The following LIPC variants were observed in gnomAD, a reference collection of about 807,000 sequenced individuals.
The protein encoded by LIPC is lipase C, hepatic type.
In LIPC, 44 loss-of-function variants were observed where a neutral mutation model predicts 50.7. The observed-to-expected ratio is 0.87, with a 90% confidence interval of 0.68 to 1.11. LIPC has a LOEUF of 1.11. LIPC is among the 50% of genes most tolerant of loss of function. The pLI, the probability that LIPC is intolerant of heterozygous loss-of-function variation, is 0.00. For missense variants in LIPC, 697 were observed against 648.2 expected (o/e 1.08, Z -0.82); for synonymous variants, 271 against 256.4 (o/e 1.06, Z -0.54).
At chr15:58,439,933 G>A (rs185124434) in intron 1 of LIPC, among the ~76,000 whole-genome samples, 1 of 151,866 alleles carries the variant, frequency 6.6e-6, no homozygotes, top group East Asian at 1.9e-4. Context: ...TCCAGGCTAG[G>A]GTGCTTCCTA....
At chr15:58,511,965 C>T (rs1892342456) in intron 1 of LIPC, among the ~76,000 whole-genome samples, 1 of 152,172 alleles carries the variant, frequency 6.6e-6, no homozygotes, top group Non-Finnish European at 1.5e-5. Context: ...CACAATTAAA[C>T]TCAAACATAC....
At chr15:58,508,178 A>G (rs1217393021) in intron 1 of LIPC, among the ~76,000 whole-genome samples, 2 of 151,970 alleles carry the variant, frequency 1.3e-5, no homozygotes, top group African/African-American at 2.4e-5. Flanking sequence ...AGGGATGAAG[A>G]GAACAACTTC....
chr15:58,447,400 C>G (rs1335018268), intron 1 of LIPC, among the ~76,000 whole-genome samples: 1 of 152,124 alleles, frequency 6.6e-6, no homozygotes, highest in Non-Finnish European at 1.5e-5. Flanking sequence ...CACAAGTCTT[C>G]TCTGGAAAAC....
intron 6 of LIPC, among the ~76,000 whole-genome samples, chr15:58,559,506 T>G (rs144323552): frequency 1.3e-5 from 2 of 152,146 alleles, no homozygotes; most frequent in Non-Finnish European, 2.9e-5. Context: ...TCAGAATCCA[T>G]CTCAACAGAG....
At chr15:58,549,062 C>G (rs1423683165) in intron 6 of LIPC, among the ~76,000 whole-genome samples, 1 of 152,140 alleles carries the variant, frequency 6.6e-6, no homozygotes, top group Admixed American at 6.5e-5. Context: ...GAGGCACTCC[C>G]AAGACAAGAT....
At chr15:58,467,584 A>G (rs1261287699) in intron 1 of LIPC, among the ~76,000 whole-genome samples, 1 of 152,086 alleles carries the variant, frequency 6.6e-6, no homozygotes, top group African/African-American at 2.4e-5. Flanking sequence ...TCAGGCTGTT[A>G]AAGACCCTCC....
At chr15:58,563,912 T>A (rs1202616614) in intron 8 of LIPC, 189 bp downstream of exon 8, 2 of 643,184 alleles carry the variant, frequency 3.1e-6, no homozygotes, top group African/African-American at 1.8e-5. Context: ...GGACAAGGAT[T>A]CACACCCAGG....
intron 1 of LIPC, among the ~76,000 whole-genome samples, chr15:58,447,111 T>C (rs1893723698): frequency 1.6e-5 from 2 of 123,450 alleles, no homozygotes; most frequent in African/African-American, 3.2e-5. Flanking sequence ...ATTGCGCCAC[T>C]GCACCCAGCC....
chr15:58,568,367 G>A (rs1894455327), intron 8 of LIPC, among the ~76,000 whole-genome samples: 1 of 152,218 alleles, frequency 6.6e-6, no homozygotes, highest in African/African-American at 2.4e-5. Flanking sequence ...AACTAGAAAT[G>A]TTTGCCCTGA....
chr15:58,547,150 A>C (rs1021885457), intron 5 of LIPC, among the ~76,000 whole-genome samples: 6 of 152,200 alleles, frequency 3.9e-5, no homozygotes, highest in Non-Finnish European at 7.3e-5. Context: ...AACCAAATGT[A>C]GGTATTCAGC....
intron 1 of LIPC, among the ~76,000 whole-genome samples, chr15:58,476,644 G>T (rs142934549): frequency 2.6e-5 from 4 of 152,356 alleles, no homozygotes; most frequent in Non-Finnish European, 5.9e-5. Flanking sequence ...CAGTGGCATG[G>T]TGCCACAGAA....
intron 1 of LIPC, among the ~76,000 whole-genome samples, chr15:58,490,493 G>A (rs568889769): frequency 2.6e-5 from 4 of 152,122 alleles, no homozygotes; most frequent in Non-Finnish European, 5.9e-5. Flanking sequence ...AGCCGGCGCC[G>A]TTCGCGGGAT....
intron 1 of LIPC, among the ~76,000 whole-genome samples, chr15:58,469,612 GC>G (rs372372419): frequency 0.11 from 17,329 of 152,240 alleles, 1,192 homozygotes; most frequent in Non-Finnish European, 0.17. Flanking sequence ...CAGTCACCAG[GC>G]AGATAGACAG....
At chr15:58,519,734 G>A (rs1210157494) in intron 1 of LIPC, among the ~76,000 whole-genome samples, 1 of 152,228 alleles carries the variant, frequency 6.6e-6, no homozygotes, top group East Asian at 1.9e-4. Context: ...AGACTGGGGT[G>A]GTGTATTGTG....
rs551555031 is a variant in LIPC at position 58,459,554 on chromosome 15, A to AATAAACGAGAG, written c.88+27436_88+27446dup. ...CCCACCCGCTCCTGAAAACAGAAAA[A>AATAAACGAGAG]ATAAACGAGAGAGAGTCCACCAGCA... On this transcript the variant is annotated intron_variant, in intron 1 of 8. Transcript: ENST00000299022. Among the ~76,000 whole-genome samples, 415 of 152,312 alleles carry AATAAACGAGAG rather than the reference A, an allele frequency of 2.7e-3. 1 individual carries two copies. Among genetic ancestry groups the AATAAACGAGAG allele is most frequent in the African/African-American group, 9.3e-3 (388 of 41,562 alleles).
At chr15:58,484,253 C>T (rs1481368345) in intron 1 of LIPC, among the ~76,000 whole-genome samples, 3 of 152,158 alleles carry the variant, frequency 2.0e-5, no homozygotes, top group Non-Finnish European at 2.9e-5. Flanking sequence ...TATTCCATTC[C>T]TACTCCATTT....
chr15:58,516,237 C>CTTTTTTTTTTTTTTT (rs11351202), intron 1 of LIPC, among the ~76,000 whole-genome samples: 1 of 45,164 alleles, frequency 2.2e-5, no homozygotes, highest in Non-Finnish European at 4.1e-5. Flanking sequence ...CCTCTAGCTT[C>CTTTTTTTTTTTTTTT]TTTTTTTTTT....
intron 1 of LIPC, among the ~76,000 whole-genome samples, chr15:58,524,254 C>G (rs1892738317): frequency 6.6e-6 from 1 of 152,202 alleles, no homozygotes; most frequent in African/African-American, 2.4e-5. Context: ...TTCTAGAAAT[C>G]TTTTCAAATC....
At chr15:58,465,653 C>T (rs531784076) in intron 1 of LIPC, among the ~76,000 whole-genome samples, 1 of 152,022 alleles carries the variant, frequency 6.6e-6, no homozygotes, top group East Asian at 1.9e-4. Context: ...CAGGTAAGTA[C>T]TTGGGTTAGG....
Sources: gnomAD v4.1 joint callset for allele counts (sites outside exome capture counted in the v4.1 genomes callset) on GRCh38, gnomAD v4.1.1 for gene constraint, MANE v1.5 for transcripts, NCBI Gene and HGNC (gene_info 2026-07-23, HGNC 2026-07-21) for gene names.